CLDN14: variants seen among roughly 807,000 people sequenced by gnomAD.
The protein encoded by CLDN14 is claudin-14.
A neutral mutation model predicts 2.1 loss-of-function variants in CLDN14; 2 were observed. The ratio of observed to expected loss-of-function variants is 0.96; its 90% CI spans 0.39 to 3.01. The LOEUF is 3.01. CLDN14 is among the 30% of genes most tolerant of loss of function. CLDN14 has a pLI of 0.09. For synonymous variants in CLDN14, 136 were observed against 154.4 expected (o/e 0.88, Z 0.88); for missense variants, 298 against 328.0 (o/e 0.91, Z 0.71).
intron 1 of CLDN14, among the ~76,000 whole-genome samples, chr21:36,532,860 C>G (rs956762700): frequency 2.6e-5 from 4 of 152,148 alleles, no homozygotes; most frequent in African/African-American, 7.2e-5. Context: ...ATAGTCACAG[C>G]TGGCTCTCTG....
At chr21:36,495,284 G>A (rs529648731) in intron 2 of CLDN14, among the ~76,000 whole-genome samples, 2 of 152,300 alleles carry the variant, frequency 1.3e-5, no homozygotes, top group Non-Finnish European at 2.9e-5. Flanking sequence ...AGCCGAGATC[G>A]TGCCATTGCA....
chr21:36,494,395 G>A (rs970423075), intron 2 of CLDN14, among the ~76,000 whole-genome samples: 3 of 152,166 alleles, frequency 2.0e-5, no homozygotes, highest in South Asian at 2.1e-4. Flanking sequence ...AGGGTCTCAC[G>A]AGGAGGAGAA....
At chr21:36,521,350 T>C (rs1246852406) in intron 1 of CLDN14, among the ~76,000 whole-genome samples, 2 of 152,104 alleles carry the variant, frequency 1.3e-5, no homozygotes, top group Admixed American at 6.5e-5. Flanking sequence ...AGCTAGGGCA[T>C]GAATGGGGAC....
chr21:36,571,586 G>C (rs565506144), intron 1 of CLDN14, among the ~76,000 whole-genome samples: 1 of 152,228 alleles, frequency 6.6e-6, no homozygotes, highest in Non-Finnish European at 1.5e-5. Flanking sequence ...AGTTCTTAGA[G>C]TTGGAAGGTT....
intron 2 of CLDN14, among the ~76,000 whole-genome samples, chr21:36,508,643 G>A (rs1213231962): frequency 6.6e-6 from 1 of 152,200 alleles, no homozygotes; most frequent in African/African-American, 2.4e-5. Flanking sequence ...AGCAAGCACA[G>A]AGCCACCCTC....
At chr21:36,523,914 C>A (rs182515323) in intron 1 of CLDN14, among the ~76,000 whole-genome samples, 1 of 152,040 alleles carries the variant, frequency 6.6e-6, no homozygotes, top group Admixed American at 6.6e-5. Context: ...GATGCTCCAG[C>A]CCTGCCGGCT....
At chr21:36,518,645 A>C (rs770667747) in intron 1 of CLDN14, among the ~76,000 whole-genome samples, 1 of 152,186 alleles carries the variant, frequency 6.6e-6, no homozygotes, top group Non-Finnish European at 1.5e-5. Context: ...ACACTTCTGC[A>C]TATAGGACTC....
At chr21:36,556,841 C>A (rs981148391) in intron 1 of CLDN14, among the ~76,000 whole-genome samples, 1 of 152,104 alleles carries the variant, frequency 6.6e-6, no homozygotes, top group Non-Finnish European at 1.5e-5. Flanking sequence ...ATTGTATGAG[C>A]GTGCAGTACA....
chr21:36,561,479 G>A (rs188782413), intron 1 of CLDN14, among the ~76,000 whole-genome samples: 1 of 152,096 alleles, frequency 6.6e-6, no homozygotes, highest in East Asian at 1.9e-4. Context: ...AGGTCACTTG[G>A]TTCCCGCCAT....
At chr21:36,529,872 C>T (rs1043405179) in intron 1 of CLDN14, among the ~76,000 whole-genome samples, 2 of 152,132 alleles carry the variant, frequency 1.3e-5, no homozygotes, top group Non-Finnish European at 2.9e-5. Context: ...TGCAGAACAA[C>T]GTAGTGCTGT....
rs143622727 is a variant in CLDN14 at position 36,531,719 on chromosome 21, A to G, written c.-219-21219T>C. Among the ~76,000 whole-genome samples, 653 of 151,308 alleles carry G rather than the reference A, an allele frequency of 4.3e-3. 8 individuals are homozygous for G. The highest frequency in any genetic ancestry group is 0.015 in the African/African-American group (631 of 41,246). On this transcript the variant is annotated intron_variant, in intron 1 of 2. Transcript: ENST00000342108. Reference sequence around the variant, plus strand: ...TTTTTTTTTTTTTTTAACTAAGGAAAATATATTCTTCATTATCTATGTAAT... The same window carrying G: ...TTTTTTTTTTTTTTTAACTAAGGAAGATATATTCTTCATTATCTATGTAAT...
At position 36,504,702 on chromosome 21, in the gene CLDN14, C is replaced by T. The variant is rs146771544; in HGVS notation, c.-82+5661G>A. On this transcript the variant is annotated intron_variant, in intron 2 of 2. Coordinates refer to the CLDN14 transcript ENST00000342108. ...CCACATCCCCAAATTTCACATTTTG[C>T]GTGTAACTCATGACTAGTCTGCAGT... is the stretch of plus-strand genomic sequence containing the variant. Among the ~76,000 whole-genome samples, 51 of 152,232 alleles carry T rather than the reference C, an allele frequency of 3.4e-4. No homozygotes were observed. The East Asian group carries it at 8.7e-3, about 26-fold the overall frequency.
intron 1 of CLDN14, among the ~76,000 whole-genome samples, chr21:36,569,236 T>C (rs137986347): frequency 1.3e-5 from 2 of 152,104 alleles, no homozygotes; most frequent in Non-Finnish European, 2.9e-5. Context: ...CCCAATATGG[T>C]GAAACCCCAT....
chr21:36,556,390 C>A (rs747047016), intron 1 of CLDN14, among the ~76,000 whole-genome samples: 1 of 152,176 alleles, frequency 6.6e-6, no homozygotes, highest in Admixed American at 6.5e-5. Context: ...CCTTTTTGTG[C>A]TTGGACCCTA....
intron 2 of CLDN14, among the ~76,000 whole-genome samples, chr21:36,489,470 A>G (rs1227338833): frequency 6.6e-6 from 1 of 152,196 alleles, no homozygotes; most frequent in Non-Finnish European, 1.5e-5. Context: ...CAACACATGC[A>G]GCTTCCTGCA....
intron 1 of CLDN14, among the ~76,000 whole-genome samples, chr21:36,514,696 G>T (rs1568865655): frequency 6.6e-6 from 1 of 151,082 alleles, no homozygotes; most frequent in Non-Finnish European, 1.5e-5. Context: ...GGAGGACATG[G>T]GAAGAGAGGA....
At chr21:36,543,664 C>G (rs1010626758) in intron 1 of CLDN14, among the ~76,000 whole-genome samples, 1 of 152,178 alleles carries the variant, frequency 6.6e-6, no homozygotes, top group African/African-American at 2.4e-5. Context: ...CAAAAGAGTA[C>G]AATTGAGGCA....
chr21:36,484,626 G>A (rs115976669), upstream of CLDN14, among the ~76,000 whole-genome samples: 1,431 of 152,192 alleles, frequency 9.4e-3, 18 homozygotes, highest in African/African-American at 0.032. Flanking sequence ...TCATGACATG[G>A]TGGTCTTCCT....
chr21:36,546,824 A>C (rs1439014295), intron 1 of CLDN14, among the ~76,000 whole-genome samples: 1 of 152,250 alleles, frequency 6.6e-6, no homozygotes, highest in Non-Finnish European at 1.5e-5. Flanking sequence ...AATGAGATAG[A>C]GAGTACATTA....
Sources: gnomAD v4.1 joint callset for allele counts (sites outside exome capture counted in the v4.1 genomes callset) on GRCh38, gnomAD v4.1.1 for gene constraint, MANE v1.5 for transcripts, NCBI Gene and HGNC (gene_info 2026-07-23, HGNC 2026-07-21) for gene names.